Variants in SSC5D observed in about 807,000 individuals in gnomAD.
SSC5D encodes the protein soluble scavenger receptor cysteine-rich domain-containing protein SSC5D.
In SSC5D, 106 loss-of-function variants were observed where a neutral mutation model predicts 104.6. That is an observed-to-expected ratio of 1.01 (90% confidence interval 0.87 to 1.19). The LOEUF (loss-of-function observed/expected upper bound fraction) is 1.19, where lower values mean the gene tolerates loss of function less well. Ranked by LOEUF, SSC5D falls within the 50% of genes most tolerant of loss-of-function variation. SSC5D has a pLI of 0.00. For missense variants in SSC5D, 1,993 were observed against 2,153.8 expected, an observed-to-expected ratio of 0.93 and a Z score of 1.48; for synonymous variants, 860 against 883.5, an observed-to-expected ratio of 0.97 and a Z score of 0.47.
At chr19:55,508,679 T>G (rs1297082317) in intron 12 of SSC5D, among the ~76,000 whole-genome samples, 1 of 135,070 alleles carries the variant, frequency 7.4e-6, no homozygotes, top group Non-Finnish European at 1.6e-5. Flanking sequence ...GGGGGAGGCC[T>G]CCTGAGGGCA....
intron 6 of SSC5D, 22 bp from the exon 7 acceptor site, chr19:55,493,573 T>C: frequency 1.4e-6 from 2 of 1,414,152 alleles, no homozygotes; most frequent in Non-Finnish European, 9.1e-7. Context: ...CCTGGCCCTG[T>C]GCTCCCTCTC....
Position 55,498,090 on chromosome 19 carries a change from A to G in SSC5D, c.1598A>G (p.Asp533Gly), listed in dbSNP as rs1987373137. Residue 533 changes from aspartate to glycine, a missense_variant, in exon 9 of 14, where the codon GAT becomes GGT. Asp to Gly is a moderately conservative substitution (Grantham distance 94). Coordinates refer to ENST00000389623, the MANE Select transcript of SSC5D (RefSeq NM_001144950.2). ...FGWGAGPIWL[D>G]DVGCVGTEAS... ...TGGGGTGCGGGCCCCATCTGGCTAG[A>G]TGATGTGGGCTGTGTGGGGACCGAG... 6.4e-7 allele frequency: 1 copy of G among 1,551,576 alleles called. No homozygotes were observed. The highest frequency in any genetic ancestry group is 8.7e-7 in the Non-Finnish European group (1 of 1,146,946).
rs1311032527 is a variant in SSC5D, at chr19:55,503,476, CTT to C, written c.2785+2276_2785+2277del. 2.6e-5 allele frequency among the ~76,000 whole-genome samples: 4 copies of C among 152,050 alleles called. No individual in the cohort carries two copies. The highest frequency in any genetic ancestry group is 5.9e-5 in the Non-Finnish European group (4 of 68,008). On this transcript the variant is annotated intron_variant, in intron 12 of 13. Coordinates refer to ENST00000389623, the MANE Select transcript of SSC5D (RefSeq NM_001144950.2). This position sits in a 1 kb window ranked among gnomAD's most constrained non-coding sequence, Gnocchi z 4.0. ...TTCCCTGCAGTCTCCCGCGTGCTCTCTTCTCTCTCCCCCTCGTTTCTCTCATG... is the reference window on the plus strand; with the variant it reads ...TTCCCTGCAGTCTCCCGCGTGCTCTCCTCTCTCCCCCTCGTTTCTCTCATG...
At position 55,503,102 on chromosome 19, in the gene SSC5D, T is replaced by C. The variant is rs4801718; in HGVS notation, c.2785+1901T>C. On this transcript the variant is annotated intron_variant, in intron 12 of 13. Coordinates refer to ENST00000389623, the MANE Select transcript of SSC5D (RefSeq NM_001144950.2). The surrounding 1 kb of genome is among the most constrained non-coding windows in gnomAD (Gnocchi z 4.0). ...TGCTGGGATTACAGGGGTGAGCCAC[T>C]GCTCCCGGCCTGATTTTTTGTCGAG... Among the ~76,000 whole-genome samples, 149,958 of 152,174 alleles carry C rather than the reference T, an allele frequency of 0.99. 73,995 individuals carry two copies. Among genetic ancestry groups the C allele is most frequent in the Middle Eastern group, 1 (294 of 294 alleles).
Position 55,517,549 on chromosome 19 carries a change from A to AC in SSC5D, c.3276dup (p.Thr1093HisfsTer9). On this transcript the variant is annotated frameshift_variant, in exon 14 of 14. Transcript: ENST00000389623. LOFTEE classifies it low-confidence loss of function (END_TRUNC). ...CCCCGGAGCCCTCACCCACGCCCTT[A>AC]CCCACCTTGCCCAAAGAGCTGACCT... 6.4e-7 allele frequency: 1 copy of AC among 1,550,468 alleles called. No individual in the cohort carries two copies. The highest frequency in any genetic ancestry group is 8.7e-7 in the Non-Finnish European group (1 of 1,146,746).
intron 13 of SSC5D, among the ~76,000 whole-genome samples, chr19:55,516,394 G>A (rs1987871137): frequency 6.6e-6 from 1 of 152,092 alleles, no homozygotes; most frequent in South Asian, 2.1e-4. Context: ...CTACTCGGGA[G>A]GCTGAGGCAG....
chr19:55,494,467 C>T, intron 7 of SSC5D, 143 bp from the exon 8 acceptor site: 3 of 902,004 alleles, frequency 3.3e-6, no homozygotes, highest in Non-Finnish European at 4.8e-6. Flanking sequence ...AAAGCGTGGG[C>T]TGTGTCTAGG....
intron 12 of SSC5D, among the ~76,000 whole-genome samples, chr19:55,509,044 A>G (rs1325646915): frequency 1.3e-5 from 2 of 152,186 alleles, no homozygotes; most frequent in African/African-American, 4.8e-5. Flanking sequence ...AAGGGGTGAG[A>G]CTTGGGAGAT....
chr19:55,490,499 T>C, intron 5 of SSC5D, 91 bp downstream of exon 5: 2 of 620,042 alleles, frequency 3.2e-6, no homozygotes. Context: ...CGCCCTCTCC[T>C]TAGCCGGGGC....
Position 55,493,700 on chromosome 19 carries a change from A to T in SSC5D, c.1001A>T (p.Asp334Val). The part of the protein sequence containing the change: ...RWGSVCDDAW[D>V]LRDAAVACRE... ...GGGTCGGTGTGTGACGACGCCTGGGACCTGCGAGACGCCGCTGTGGCCTGC... is the reference window on the plus strand; with the variant it reads ...GGGTCGGTGTGTGACGACGCCTGGGTCCTGCGAGACGCCGCTGTGGCCTGC... The change falls in exon 7 of 14, where the codon GAC becomes GTC. Residue 334 changes from aspartate (D) to valine (V), a missense_variant. Around this residue, in one of 6 missense-constraint regions of SSC5D, gnomAD observed 1,101 missense variants for 1,085.0 expected, o/e 1.01. Transcript: ENST00000389623. 1 of 1,512,190 alleles carries T rather than the reference A, an allele frequency of 6.6e-7. No homozygotes were observed. Among genetic ancestry groups the T allele is most frequent in the Non-Finnish European group, 8.8e-7 (1 of 1,135,556 alleles). The allele number at this position is 1,512,190 out of a possible 1,614,324, so 93.7% of individuals were successfully genotyped here.
chr19:55,502,718 C>T (rs1049635811), intron 12 of SSC5D, among the ~76,000 whole-genome samples: 6 of 151,652 alleles, frequency 4.0e-5, no homozygotes, highest in Admixed American at 1.3e-4. Flanking sequence ...TGCAGTGGTG[C>T]GATCTCAGTT....
intron 12 of SSC5D, chr19:55,504,433 A>G: frequency 2.5e-6 from 2 of 786,238 alleles, no homozygotes; most frequent in Non-Finnish European, 3.5e-6. Flanking sequence ...TCTTAGCTTC[A>G]GGAGCAATGT....
At chr19:55,490,072 T>G in intron 4 of SSC5D, 77 bp downstream of exon 4, 2 of 658,130 alleles carry the variant, frequency 3.0e-6, no homozygotes, top group East Asian at 5.1e-5. Context: ...GGGACTGCCC[T>G]GCCAACCCCC....
intron 6 of SSC5D, 131 bp downstream of exon 6, chr19:55,491,211 C>T (rs924780049): frequency 4.7e-5 from 48 of 1,020,288 alleles, no homozygotes; most frequent in Non-Finnish European, 6.1e-5. Context: ...ATGCCCAGCG[C>T]CCACTCACCA....
At position 55,500,130 on chromosome 19, in the gene SSC5D, C is replaced by T. The variant is rs1161448344; in HGVS notation, c.2020C>T (p.Arg674Ter). ...TGCAGCACTGACCACTGAGGCCTCC[C>T]GAAGACCTACCTCTGAGTTTACCAG... ...TTAALTTEAS[R>*]RPTSEFTRRP... Residue 674 changes from arginine to a stop codon, truncating the protein, a stop_gained, in exon 10 of 14, where the codon CGA becomes TGA. Coordinates refer to ENST00000389623, the MANE Select transcript of SSC5D (RefSeq NM_001144950.2). LOFTEE classifies it high-confidence loss of function. This position sits in a 1 kb window ranked among gnomAD's most constrained non-coding sequence, Gnocchi z 4.6. 5.8e-6 allele frequency: 9 copies of T among 1,551,328 alleles called. No individual in the cohort carries two copies. In the East Asian group the frequency reaches 7.3e-5, roughly 13 times the overall value.
chr19:55,509,871 A>G (rs1328513343), intron 12 of SSC5D, among the ~76,000 whole-genome samples: 17 of 21,966 alleles, frequency 7.7e-4, no homozygotes, highest in African/African-American at 2.6e-3. Flanking sequence ...AAAAAAAAAA[A>G]AGAGAAAAAG....
At chr19:55,495,924 GT>G (rs1414293491) in intron 8 of SSC5D, among the ~76,000 whole-genome samples, 2 of 27,810 alleles carry the variant, frequency 7.2e-5, no homozygotes, top group Non-Finnish European at 1.5e-4. Context: ...TTTTTTTTTT[GT>G]AGAGACAGGG....
chr19:55,491,212 C>T (rs933487017), intron 6 of SSC5D, 132 bp downstream of exon 6: 58 of 984,440 alleles, frequency 5.9e-5, no homozygotes, highest in Non-Finnish European at 8.4e-5. Flanking sequence ...TGCCCAGCGC[C>T]CACTCACCAC....
intron 2 of SSC5D, 160 bp downstream of exon 2, chr19:55,489,192 G>A (rs975704841): frequency 3.0e-5 from 30 of 995,590 alleles, no homozygotes; most frequent in African/African-American, 1.0e-4. Context: ...GTGTCTGGCC[G>A]CATCTCTCTG....
Sources: gnomAD v4.1 joint callset for allele counts (sites outside exome capture counted in the v4.1 genomes callset) on GRCh38, gnomAD v4.1.1 for gene constraint, gnomAD v4.1.1 regional missense constraint, Gnocchi (gnomAD v3.1) non-coding constraint, MANE v1.5 for transcripts, NCBI Gene and HGNC (gene_info 2026-07-23, HGNC 2026-07-21) for gene names.